Variants in PAPPA observed in about 807,000 individuals in gnomAD.
The protein encoded by PAPPA is pappalysin 1, also known as pappalysin-1.
A neutral mutation model predicts 164.0 loss-of-function variants in PAPPA; 60 were observed. The ratio of observed to expected loss-of-function variants is 0.37; its 90% CI spans 0.30 to 0.45. The LOEUF (loss-of-function observed/expected upper bound fraction) is 0.45. Ranked by LOEUF, PAPPA falls within the 20% of genes least tolerant of loss-of-function variation. The pLI is 1.00. For missense variants in PAPPA, 1,782 were observed against 2,087.3 expected, an observed-to-expected ratio of 0.85 and a Z score of 2.85; for synonymous variants, 875 against 814.1, an observed-to-expected ratio of 1.07 and a Z score of -1.27.
intron 10 of PAPPA, among the ~76,000 whole-genome samples, chr9:116,303,915 A>C (rs1377919693): frequency 2.0e-5 from 3 of 152,078 alleles, no homozygotes; most frequent in African/African-American, 7.2e-5. Context: ...TTCTTCATTC[A>C]CTTTTTGTTT....
chr9:116,343,345 G>C (rs1033002911), intron 13 of PAPPA, among the ~76,000 whole-genome samples: 1 of 152,166 alleles, frequency 6.6e-6, no homozygotes, highest in Admixed American at 6.5e-5. Flanking sequence ...CTGGCACTGA[G>C]GAACTGAGTT....
intron 1 of PAPPA, among the ~76,000 whole-genome samples, chr9:116,168,517 C>A (rs553472208): frequency 6.6e-6 from 1 of 152,226 alleles, no homozygotes; most frequent in South Asian, 2.1e-4. Flanking sequence ...TGAAAAAGTG[C>A]TCTGAAATTT....
chr9:116,289,786 A>G (rs1360196059), intron 9 of PAPPA, among the ~76,000 whole-genome samples: 1 of 152,212 alleles, frequency 6.6e-6, no homozygotes, highest in Non-Finnish European at 1.5e-5. Flanking sequence ...GCTCTCAAGG[A>G]GTTGCCATTC....
At chr9:116,268,374 C>T (rs1021419494) in intron 8 of PAPPA, among the ~76,000 whole-genome samples, 5 of 152,176 alleles carry the variant, frequency 3.3e-5, no homozygotes, top group African/African-American at 1.2e-4. Flanking sequence ...AAGTTGCTGT[C>T]TGATGGAACA....
rs116071002 is a variant in PAPPA at position 116,394,788 on chromosome 9, C to T, written c.4777-1721C>T. Among the ~76,000 whole-genome samples the T allele has an allele frequency of 2.3e-3, 343 of 152,308 alleles. 2 individuals carry two copies. Among genetic ancestry groups the T allele is most frequent in the African/African-American group, 8.0e-3 (331 of 41,566 alleles). On this transcript the variant is annotated intron_variant, in intron 21 of 21. Coordinates refer to ENST00000328252, the MANE Select transcript of PAPPA (RefSeq NM_002581.5). ...GGGACGGTGGAAATGCTTACCACAGCATCAAGCACTTATGAATTTAAATTG... is the reference window on the plus strand; with the variant it reads ...GGGACGGTGGAAATGCTTACCACAGTATCAAGCACTTATGAATTTAAATTG...
intron 10 of PAPPA, 23 bp from the exon 11 acceptor site, chr9:116,331,221 A>AT: frequency 7.2e-7 from 1 of 1,392,666 alleles, no homozygotes; most frequent in Non-Finnish European, 1.0e-6. Flanking sequence ...AAACATGATT[A>AT]TTTTTTCTTT....
At position 116,297,368 on chromosome 9, in the gene PAPPA, C is replaced by T. The variant is rs532660401; in HGVS notation, c.2954-5389C>T. ...TGACTATCTGTTCAACGTTTTGAAA[C>T]TGATGAGAGTCAATGTGAAGGCAAG... On this transcript the variant is annotated intron_variant, in intron 9 of 21. Transcript: ENST00000328252. Among the ~76,000 whole-genome samples, 12 of 152,344 alleles carry T rather than the reference C, an allele frequency of 7.9e-5. No individual in the cohort carries two copies. The South Asian group carries it at 2.5e-3, about 32-fold the overall frequency.
chr9:116,308,210 G>C (rs1587996989), intron 10 of PAPPA, among the ~76,000 whole-genome samples: 2 of 152,324 alleles, frequency 1.3e-5, no homozygotes, highest in African/African-American at 4.8e-5. Flanking sequence ...CATCAGAAGG[G>C]TGTTTTCAAC....
chr9:116,234,591 G>A (rs1338571281), intron 6 of PAPPA, among the ~76,000 whole-genome samples: 3 of 152,096 alleles, frequency 2.0e-5, no homozygotes, highest in East Asian at 3.9e-4. Context: ...AATACCACAA[G>A]GATTCTAATT....
chr9:116,391,488 C>T (rs1470731131), intron 21 of PAPPA, among the ~76,000 whole-genome samples: 3 of 152,176 alleles, frequency 2.0e-5, no homozygotes, highest in African/African-American at 7.2e-5. Context: ...AGTTACCTCC[C>T]TGTGGAGTCT....
intron 7 of PAPPA, among the ~76,000 whole-genome samples, chr9:116,265,520 T>C (rs1170598108): frequency 1.3e-5 from 2 of 152,204 alleles, no homozygotes; most frequent in Non-Finnish European, 2.9e-5. Context: ...CTGGATGGCT[T>C]CCTCACAAAC....
chr9:116,389,576 A>G (rs1345020227), intron 21 of PAPPA, among the ~76,000 whole-genome samples: 2 of 152,018 alleles, frequency 1.3e-5, no homozygotes, highest in African/African-American at 2.4e-5. Context: ...CACCTCTGGC[A>G]TTCTGGACCC....
At chr9:116,392,203 G>C (rs923259980) in intron 21 of PAPPA, among the ~76,000 whole-genome samples, 1 of 152,220 alleles carries the variant, frequency 6.6e-6, no homozygotes, top group African/African-American at 2.4e-5. Context: ...AAAGGTTATT[G>C]GTGATTAAAA....
chr9:116,228,159 A>C (rs548012049), intron 6 of PAPPA, among the ~76,000 whole-genome samples: 28 of 152,306 alleles, frequency 1.8e-4, no homozygotes, highest in African/African-American at 6.7e-4. Flanking sequence ...GGAACCAATG[A>C]TCTCTGTGCT....
At chr9:116,280,616 C>T (rs921878020) in intron 9 of PAPPA, among the ~76,000 whole-genome samples, 4 of 152,134 alleles carry the variant, frequency 2.6e-5, no homozygotes, top group African/African-American at 7.2e-5. Flanking sequence ...CTGCTATTTA[C>T]GGCATGAAGG....
intron 21 of PAPPA, among the ~76,000 whole-genome samples, chr9:116,388,449 C>A (rs1472549714): frequency 6.6e-6 from 1 of 152,048 alleles, no homozygotes; most frequent in African/African-American, 2.4e-5. Flanking sequence ...TTCAACATAC[C>A]AAAGCTTTCT....
chr9:116,256,133 A>G (rs1844924801), intron 7 of PAPPA, among the ~76,000 whole-genome samples: 1 of 151,974 alleles, frequency 6.6e-6, no homozygotes, highest in Admixed American at 6.6e-5. Flanking sequence ...ATTAAAACCC[A>G]CTGAATCTGA....
At chr9:116,257,125 A>G (rs1309535214) in intron 7 of PAPPA, among the ~76,000 whole-genome samples, 1 of 152,026 alleles carries the variant, frequency 6.6e-6, no homozygotes, top group Non-Finnish European at 1.5e-5. Flanking sequence ...TGCCAACAGA[A>G]TTCAGCAATG....
Position 116,154,098 on chromosome 9 carries a change from G to A in PAPPA, c.-75G>A, listed in dbSNP as rs1454101999. 12 of 1,169,218 alleles carry A rather than the reference G, an allele frequency of 1.0e-5. No individual in the cohort carries two copies. The highest frequency in any genetic ancestry group is 1.7e-5 in the South Asian group (1 of 59,470). The allele number at this position is 1,169,218 out of a possible 1,614,324, so 72.4% of individuals were successfully genotyped here. On this transcript the variant is annotated 5_prime_UTR_variant, in exon 1 of 22. Transcript: ENST00000328252. The surrounding 1 kb of genome is among the most constrained non-coding windows in gnomAD (Gnocchi z 5.2). ...GGGTGAAGAAGCGAAGAAAGTCGAG[G>A]CGCCGAGGCTCCCAAAGCTGGCAGC...
Sources: allele counts gnomAD v4.1 joint callset (sites outside exome capture counted in the v4.1 genomes callset), GRCh38; gene constraint gnomAD v4.1.1; non-coding constraint Gnocchi (gnomAD v3.1); transcripts MANE v1.5; gene names NCBI Gene and HGNC (gene_info 2026-07-23, HGNC 2026-07-21).